The following RFC5 variants were observed in gnomAD, a reference collection of about 807,000 sequenced individuals.
RFC5 encodes A1 36 kDa subunit.
In RFC5, 26 loss-of-function variants were observed where a neutral mutation model predicts 44.3. The observed-to-expected ratio is 0.59, with a 90% confidence interval of 0.43 to 0.81. The LOEUF (loss-of-function observed/expected upper bound fraction) is 0.81. RFC5 is among the 40% of genes least tolerant of loss of function. The probability of loss-of-function intolerance (pLI) is 0.00; values close to 1 mark genes in which losing one functional copy is unlikely to be tolerated. For missense variants in RFC5, 328 were observed against 418.6 expected, an observed-to-expected ratio of 0.78 and a Z score of 1.89; for synonymous variants, 155 against 155.2, an observed-to-expected ratio of 1.00 and a Z score of 0.01.
intron 5 of RFC5, among the ~76,000 whole-genome samples, chr12:118,023,399 G>GCGA (rs1555265519): frequency 3.4e-5 from 2 of 58,552 alleles, no homozygotes; most frequent in African/African-American, 1.5e-4. Flanking sequence ...TGGGGGAAGG[G>GCGA]GGAGGAGGAG....
chr12:118,031,351 C>G lies in RFC5; in HGVS notation c.*73C>G. The G allele has an allele frequency of 9.8e-7, 1 of 1,025,054 alleles. No individual in the cohort carries two copies. The highest frequency in any genetic ancestry group is 2.0e-5 in the Admixed American group (1 of 50,510). The allele number at this position is 1,025,054 out of a possible 1,614,324, so 63.5% of individuals were successfully genotyped here. Reference sequence around the variant, plus strand: ...GAACAGAGGACAGTTCCAGGATAAACTGCTGCCTGGGGCTGTGGGATGAAT... The same window carrying G: ...GAACAGAGGACAGTTCCAGGATAAAGTGCTGCCTGGGGCTGTGGGATGAAT... On this transcript the variant is annotated 3_prime_UTR_variant, in exon 11 of 11. Coordinates refer to ENST00000454402, the MANE Select transcript of RFC5 (RefSeq NM_007370.7).
At chr12:118,021,121 A>G in intron 4 of RFC5, 136 bp downstream of exon 4, 2 of 585,886 alleles carry the variant, frequency 3.4e-6, no homozygotes, top group Non-Finnish European at 6.1e-6. Context: ...ACCATGGAAA[A>G]GAGATAAACG....
downstream of RFC5, chr12:118,036,234 T>G: frequency 1.5e-6 from 2 of 1,354,696 alleles, no homozygotes; most frequent in South Asian, 1.4e-5. Flanking sequence ...TTATCCAGCT[T>G]GTCCCCTCCC....
At chr12:118,035,189 A>G, downstream of RFC5, 4 of 1,613,854 alleles carry the variant, frequency 2.5e-6, no homozygotes, top group Non-Finnish European at 3.4e-6. Context: ...TTCTGAGGCC[A>G]TGTAAAGAGA....
chr12:118,029,718 G>GT, intron 9 of RFC5, 53 bp from the exon 10 acceptor site: 2 of 1,225,212 alleles, frequency 1.6e-6, no homozygotes, highest in Non-Finnish European at 2.4e-6. Flanking sequence ...TCCTCTGTGG[G>GT]TTTTTTGACA....
At chr12:118,018,484 G>T (rs1299792863) in intron 1 of RFC5, among the ~76,000 whole-genome samples, 1 of 152,148 alleles carries the variant, frequency 6.6e-6, no homozygotes, top group Non-Finnish European at 1.5e-5. Flanking sequence ...AACTAAGTAT[G>T]TTTCTAGATA....
downstream of RFC5, chr12:118,034,033 G>A: frequency 1.1e-6 from 1 of 912,288 alleles, no homozygotes. Context: ...GGGAGAGAAA[G>A]ATCCATGACT....
chr12:118,027,443 C>CA (rs1555266262), intron 8 of RFC5: 6 of 162,980 alleles, frequency 3.7e-5, no homozygotes, highest in African/African-American at 9.7e-5. Flanking sequence ...GAGGCTGAGG[C>CA]GGTAGATCAC....
downstream of RFC5, chr12:118,036,581 G>A (rs1481941114): frequency 5.4e-6 from 8 of 1,485,374 alleles, no homozygotes; most frequent in East Asian, 9.2e-5. Context: ...GGGAGGGAAA[G>A]GTACCACCAC....
intron 9 of RFC5, among the ~76,000 whole-genome samples, chr12:118,028,317 C>G (rs1351002203): frequency 6.6e-6 from 1 of 152,020 alleles, no homozygotes; most frequent in Admixed American, 6.6e-5. Flanking sequence ...AACCCCGTCT[C>G]TACTAAAAAT....
downstream of RFC5, chr12:118,033,889 G>C (rs2031437424): frequency 5.8e-6 from 2 of 344,564 alleles, no homozygotes; most frequent in Admixed American, 8.0e-5. Context: ...AACAACATCA[G>C]TAACTGCACT....
At chr12:118,025,087 G>A in intron 6 of RFC5, 77 bp downstream of exon 6, 1 of 1,441,400 alleles carries the variant, frequency 6.9e-7, no homozygotes, top group South Asian at 1.3e-5. Flanking sequence ...TTCGTATGTA[G>A]AGGAGAGGAA....
rs1369935549 is a variant in RFC5, at chr12:118,022,329, A to G, written c.391A>G (p.Thr131Ala). The G allele has an allele frequency of 6.2e-7, 1 of 1,613,970 alleles. No individual in the cohort carries two copies. The highest frequency in any genetic ancestry group is 8.5e-7 in the Non-Finnish European group (1 of 1,179,858). ...LVILDEADAMTQDAQNALRRV... is the reference protein window; with the variant it reads ...LVILDEADAMAQDAQNALRRV... ...GATCTTGGATGAAGCAGACGCCATGACTCAGGACGCCCAGAATGCCTTGAG... is the reference window on the plus strand; with the variant it reads ...GATCTTGGATGAAGCAGACGCCATGGCTCAGGACGCCCAGAATGCCTTGAG... The change falls in exon 5 of 11, where the codon ACT (threonine) becomes GCT (alanine). Residue 131 changes from threonine (T) to alanine (A), a missense_variant. Thr to Ala is a moderately conservative substitution (Grantham distance 58, BLOSUM62 0). Coordinates refer to ENST00000454402, the MANE Select transcript of RFC5 (RefSeq NM_007370.7).
chr12:118,035,940 T>C, downstream of RFC5: 1 of 167,776 alleles, frequency 6.0e-6, no homozygotes. Flanking sequence ...GCGCAGTGGC[T>C]CATGCCTATA....
At position 118,016,803 on chromosome 12, in the gene RFC5, A is replaced by G. The variant is rs1370342189; in HGVS notation, c.-25A>G. The G allele has an allele frequency of 2.5e-6, 4 of 1,601,908 alleles. No homozygotes were observed. Among genetic ancestry groups the G allele is most frequent in the African/African-American group, 1.3e-5 (1 of 74,622 alleles). On this transcript the variant is annotated 5_prime_UTR_variant, in exon 1 of 11. Coordinates refer to ENST00000454402, the MANE Select transcript of RFC5 (RefSeq NM_007370.7). ...TTGGGTGACGCGACGATCTCAGCGG[A>G]TCTGGTCACCTTCGTCTCCCCGCCA...
At chr12:118,020,878 T>C (rs754616055) in intron 3 of RFC5, 28 bp from the exon 4 acceptor site, 83 of 1,501,696 alleles carry the variant, frequency 5.5e-5, no homozygotes, top group Non-Finnish European at 3.0e-5. Context: ...ACATGGTTTT[T>C]GTTTTGTCTT....
rs753869121 is a variant in RFC5, at chr12:118,019,804, A to G, written c.267+36A>G. 1.3e-6 allele frequency: 2 copies of G among 1,553,822 alleles called. No individual in the cohort carries two copies. Among genetic ancestry groups the G allele is most frequent in the South Asian group, 2.3e-5 (2 of 87,470 alleles). ...TTGTTCTTACTCTACAAATAACTTA[A>G]GAGACTCCAGTCTCTTAATTTCAGT... is the stretch of plus-strand genomic sequence containing the variant. On this transcript the variant is annotated intron_variant, in intron 3 of 10. Coordinates refer to ENST00000454402, the MANE Select transcript of RFC5 (RefSeq NM_007370.7). This position sits in a 1 kb window ranked among gnomAD's most constrained non-coding sequence, Gnocchi z 4.2.
chr12:118,038,462 G>C, the RFC5 span: 4 of 1,418,218 alleles, frequency 2.8e-6, no homozygotes, highest in Non-Finnish European at 3.9e-6. Flanking sequence ...GAGAACTGGG[G>C]TGGTAACAGC....
At chr12:118,023,323 G>A (rs1171206913) in intron 5 of RFC5, among the ~76,000 whole-genome samples, 1 of 149,494 alleles carries the variant, frequency 6.7e-6, no homozygotes, top group Non-Finnish European at 1.5e-5. Flanking sequence ...AATCAGCTTT[G>A]AGAGAAGAAC....
Sources: allele counts gnomAD v4.1 joint callset (sites outside exome capture counted in the v4.1 genomes callset), GRCh38; gene constraint gnomAD v4.1.1; non-coding constraint Gnocchi (gnomAD v3.1); transcripts MANE v1.5; gene names NCBI Gene and HGNC (gene_info 2026-07-23, HGNC 2026-07-21).